Variants in ZNF195 observed in about 807,000 individuals in gnomAD.
The protein encoded by ZNF195 is hypoxia-regulated factor-1.
A neutral mutation model predicts 19.5 loss-of-function variants in ZNF195; 11 were observed. That is an observed-to-expected ratio of 0.57 (90% CI 0.36 to 0.94). The LOEUF is 0.94. ZNF195 is among the 40% of genes least tolerant of loss of function. ZNF195 has a pLI of 0.01. For missense variants in ZNF195, 582 were observed against 709.0 expected (o/e 0.82, Z 2.03); for synonymous variants, 214 against 248.1 (o/e 0.86, Z 1.29).
Position 3,371,077 on chromosome 11 carries a change from T to C in ZNF195, c.131-7A>G. On this transcript the variant is annotated splice_polypyrimidine_tract_variant and splice_region_variant and intron_variant, in intron 2 of 5. Coordinates refer to ENST00000399602, the MANE Select transcript of ZNF195 (RefSeq NM_001130520.3). ...GGCTTACAGACAGTGAGACCTGTTTTATTAGAAAAAAGTGACATTACTCTT... is the reference window on the plus strand; with the variant it reads ...GGCTTACAGACAGTGAGACCTGTTTCATTAGAAAAAAGTGACATTACTCTT... The C allele has an allele frequency of 6.2e-7, 1 of 1,611,372 alleles. No homozygotes were observed.
At chr11:3,375,008 G>A (rs961568765) in intron 1 of ZNF195, among the ~76,000 whole-genome samples, 3 of 152,176 alleles carry the variant, frequency 2.0e-5, no homozygotes, top group Admixed American at 1.3e-4. Context: ...TATCAGTTCC[G>A]GAGAGGCAGC....
In ZNF195 at chr11:3,359,508, G is replaced by C. The variant is rs772421113; in HGVS notation, c.1500C>G (p.Gly500=). Residue 500 remains glycine, a synonymous_variant, in exon 6 of 6, where the codon GGC becomes GGG. Coordinates refer to ENST00000399602, the MANE Select transcript of ZNF195 (RefSeq NM_001130520.3). This position sits in a 1 kb window ranked among gnomAD's most constrained non-coding sequence, Gnocchi z 5.5. ...EEKPYTCEEC[G]NIFKQLSDLT... ...GGTCTGATAACTGCTTAAAGATGTTGCCACATTCTTCACACGTGTAGGGTT... is the reference window on the plus strand; with the variant it reads ...GGTCTGATAACTGCTTAAAGATGTTCCCACATTCTTCACACGTGTAGGGTT... 6.2e-7 allele frequency: 1 copy of C among 1,614,162 alleles called. No homozygotes were observed. The highest frequency in any genetic ancestry group is 1.7e-5 in the Admixed American group (1 of 60,022).
At chr11:3,369,817 G>A (rs559303817) in intron 3 of ZNF195, among the ~76,000 whole-genome samples, 19 of 152,178 alleles carry the variant, frequency 1.2e-4, no homozygotes, top group Admixed American at 2.6e-4. Context: ...GTAGCTTCAC[G>A]AATACTATTA....
intron 1 of ZNF195, among the ~76,000 whole-genome samples, chr11:3,375,203 C>T (rs1043342027): frequency 2.0e-5 from 3 of 152,188 alleles, no homozygotes; most frequent in Admixed American, 6.5e-5. Context: ...GAGGGCCCTA[C>T]GCAGGATTCT....
At chr11:3,366,936 G>A (rs1409143348) in intron 3 of ZNF195, 4 of 454,004 alleles carry the variant, frequency 8.8e-6, no homozygotes, top group African/African-American at 8.0e-5. Context: ...GTGGCGGTGT[G>A]CCCCTGTAGT....
chr11:3,359,757 G>C lies in ZNF195; in HGVS notation c.1251C>G (p.Ser417Arg), dbSNP rs1251249601. Residue 417 changes from serine to arginine, a missense_variant, in exon 6 of 6, where the codon AGC becomes AGG. Transcript: ENST00000399602. This position sits in a 1 kb window ranked among gnomAD's most constrained non-coding sequence, Gnocchi z 5.5. The part of the protein sequence containing the change: ...GKPFKCEECD[S>R]IFKWFSDLTK... Reference sequence around the variant, plus strand: ...TAAGGTCTGAGAACCACTTGAAGATGCTGTCACATTCCTCACATTTGAAAG... The same window carrying C: ...TAAGGTCTGAGAACCACTTGAAGATCCTGTCACATTCCTCACATTTGAAAG... The C allele has an allele frequency of 6.2e-7, 1 of 1,614,182 alleles. No homozygotes were observed. Among genetic ancestry groups the C allele is most frequent in the Non-Finnish European group, 8.5e-7 (1 of 1,180,032 alleles).
chr11:3,367,583 G>A (rs980447694), intron 3 of ZNF195, among the ~76,000 whole-genome samples: 8 of 151,992 alleles, frequency 5.3e-5, no homozygotes, highest in African/African-American at 1.7e-4. Flanking sequence ...TTACTATACC[G>A]ATGCTATTCT....
chr11:3,360,099 T>C lies in ZNF195; in HGVS notation c.909A>G (p.Gln303=). The C allele has an allele frequency of 6.2e-7, 1 of 1,614,174 alleles. No homozygotes were observed. The highest frequency in any genetic ancestry group is 1.6e-4 in the Middle Eastern group (1 of 6,062). ...IDTGEKPYKC[Q]ECNNVIKTCS... The stretch of plus-strand genomic sequence containing the variant: ...AAGTTTTAATGACGTTGTTACATTC[T>C]TGACACTTGTAAGGTTTCTCTCCAG... Residue 303 remains glutamine, a synonymous_variant, in exon 6 of 6, where the codon CAA becomes CAG. Coordinates refer to ENST00000399602, the MANE Select transcript of ZNF195 (RefSeq NM_001130520.3).
intron 3 of ZNF195, among the ~76,000 whole-genome samples, chr11:3,364,335 TAAA>T (rs978516715): frequency 6.6e-6 from 1 of 152,026 alleles, no homozygotes; most frequent in African/African-American, 2.4e-5. Context: ...TTCATCGTAT[TAAA>T]AAAGACAATG....
intron 3 of ZNF195, among the ~76,000 whole-genome samples, chr11:3,364,005 A>C (rs1008267784): frequency 3.9e-5 from 6 of 152,238 alleles, no homozygotes; most frequent in Non-Finnish European, 8.8e-5. Context: ...TGAAGAAAAA[A>C]AGGTTGTTAA....
At chr11:3,363,794 G>T (rs1477718021) in intron 3 of ZNF195, among the ~76,000 whole-genome samples, 1 of 152,216 alleles carries the variant, frequency 6.6e-6, no homozygotes, top group Non-Finnish European at 1.5e-5. Context: ...AATTAAAACA[G>T]TTTGGTACTG....
Position 3,359,679 on chromosome 11 carries a change from A to G in ZNF195, c.1329T>C (p.Cys443=), listed in dbSNP as rs542551568. 1.9e-6 allele frequency: 3 copies of G among 1,614,174 alleles called. No homozygotes were observed. The East Asian group carries it at 6.7e-5, about 36-fold the overall frequency. ...GTGAGGACTGTGTATAGGCTTTCCC[A>G]CATTCGTCACATTTGTATGGTTTCT... The part of the protein sequence containing the change: ...TGEKPYKCDE[C]GKAYTQSSHL... The change falls in exon 6 of 6, where the codon TGT becomes TGC. Residue 443 remains cysteine, a synonymous_variant. Coordinates refer to ENST00000399602, the MANE Select transcript of ZNF195 (RefSeq NM_001130520.3). This position sits in a 1 kb window ranked among gnomAD's most constrained non-coding sequence, Gnocchi z 5.5.
Position 3,359,152 on chromosome 11 carries a change from G to A in ZNF195, c.1856C>T (p.Ser619Leu). 6.3e-7 allele frequency: 1 copy of A among 1,598,404 alleles called. No individual in the cohort carries two copies. Among genetic ancestry groups the A allele is most frequent in the Non-Finnish European group, 8.5e-7 (1 of 1,173,524 alleles). The change falls in exon 6 of 6, where the codon TCA (serine) becomes TTA (leucine). Residue 619 changes from serine to leucine, a missense_variant. Physicochemically the swap from Ser to Leu is moderately radical, Grantham distance 145 (BLOSUM62 -2). Coordinates refer to ENST00000399602, the MANE Select transcript of ZNF195 (RefSeq NM_001130520.3). The surrounding 1 kb of genome is among the most constrained non-coding windows in gnomAD (Gnocchi z 5.5). The part of the protein sequence containing the change: ...EKCGKAFTQF[S>L]HLTVHESIHT ...AATGCTTTCATGTACAGTCAGGTGT[G>A]AGAACTGGGTGAAGGCTTTGCCACA...
chr11:3,373,384 A>C (rs1052345038), intron 1 of ZNF195, among the ~76,000 whole-genome samples: 4 of 152,334 alleles, frequency 2.6e-5, no homozygotes, highest in African/African-American at 9.6e-5. Flanking sequence ...GGTGAAGATA[A>C]CAGAGAGACG....
chr11:3,368,710 G>A (rs551772047), intron 3 of ZNF195: 28 of 357,546 alleles, frequency 7.8e-5, no homozygotes, highest in African/African-American at 3.2e-4. Context: ...AGGATGGTAT[G>A]CGAACAGAGA....
intron 4 of ZNF195, among the ~76,000 whole-genome samples, chr11:3,361,068 G>T (rs1354275734): frequency 6.6e-6 from 1 of 152,212 alleles, no homozygotes; most frequent in African/African-American, 2.4e-5. Flanking sequence ...ACCCATGACA[G>T]CGGTAGGAAG....
intron 1 of ZNF195, chr11:3,377,857 A>G: frequency 1.0e-6 from 1 of 988,862 alleles, no homozygotes; most frequent in Non-Finnish European, 1.2e-6. Context: ...CAAGTTTCCA[A>G]AGTGGAACCT....
intron 3 of ZNF195, among the ~76,000 whole-genome samples, chr11:3,369,008 T>G (rs1849045514): frequency 1.3e-5 from 2 of 152,214 alleles, no homozygotes; most frequent in South Asian, 4.1e-4. Context: ...TTGGCAATCA[T>G]TTTTTAGACA....
At chr11:3,369,492 G>C (rs114086678) in intron 3 of ZNF195, 1 of 452,918 alleles carries the variant, frequency 2.2e-6, no homozygotes, top group Admixed American at 2.4e-5. Context: ...CAAGCTAAAC[G>C]TTTGCGGATG....
Sources: gnomAD v4.1 joint callset for allele counts (sites outside exome capture counted in the v4.1 genomes callset) on GRCh38, gnomAD v4.1.1 for gene constraint, Gnocchi (gnomAD v3.1) non-coding constraint, MANE v1.5 for transcripts, NCBI Gene and HGNC (gene_info 2026-07-23, HGNC 2026-07-21) for gene names.